GALM: variants seen among roughly 807,000 people sequenced by gnomAD.
GALM encodes the protein aldose 1-epimerase.
GALM carries 43 observed loss-of-function variants against 37.4 expected under a neutral mutation model. That is an observed-to-expected ratio of 1.15 (90% CI 0.90 to 1.48). The LOEUF is 1.48. GALM is among the 40% of genes most tolerant of loss of function. The pLI is 0.00. For missense variants in GALM, 456 were observed against 419.1 expected, an observed-to-expected ratio of 1.09 and a Z score of -0.77; for synonymous variants, 199 against 170.6, an observed-to-expected ratio of 1.17 and a Z score of -1.30.
At chr2:38,696,110 A>G (rs1419972302) in intron 4 of GALM, among the ~76,000 whole-genome samples, 1 of 151,518 alleles carries the variant, frequency 6.6e-6, no homozygotes, top group Non-Finnish European at 1.5e-5. Flanking sequence ...ACAGTAAAAA[A>G]AGTGTAGAGA....
chr2:38,732,949 G>T (rs185990843), intron 6 of GALM, among the ~76,000 whole-genome samples: 3 of 149,798 alleles, frequency 2.0e-5, no homozygotes, highest in Non-Finnish European at 4.4e-5. Flanking sequence ...GGCCAGGTGC[G>T]GTGGCTCACA....
chr2:38,704,519 T>A (rs556517075), intron 4 of GALM, among the ~76,000 whole-genome samples: 1 of 151,868 alleles, frequency 6.6e-6, no homozygotes, highest in South Asian at 2.1e-4. Flanking sequence ...AAAAATAGAA[T>A]CAAAAAATTA....
intron 4 of GALM, among the ~76,000 whole-genome samples, chr2:38,696,332 T>C (rs1199883163): frequency 6.6e-6 from 1 of 152,026 alleles, no homozygotes; most frequent in Non-Finnish European, 1.5e-5. Flanking sequence ...TTGGTCAGGC[T>C]GGTCTTGAAC....
chr2:38,674,780 T>C (rs73930823), intron 1 of GALM, among the ~76,000 whole-genome samples: 11,852 of 152,274 alleles, frequency 0.078, 752 homozygotes, highest in East Asian at 0.32. Flanking sequence ...AGCAGTGTTA[T>C]ACAGTCCCCC....
At chr2:38,666,539 T>G (rs1192828362) in intron 1 of GALM, among the ~76,000 whole-genome samples, 188 bp downstream of exon 1, 1 of 152,214 alleles carries the variant, frequency 6.6e-6, no homozygotes, top group Non-Finnish European at 1.5e-5. Flanking sequence ...AAAACTGTAA[T>G]AAATAAACTA....
chr2:38,675,255 G>T (rs2148426040), intron 1 of GALM, among the ~76,000 whole-genome samples: 1 of 152,288 alleles, frequency 6.6e-6, no homozygotes, highest in Non-Finnish European at 1.5e-5. Flanking sequence ...ATGGAAGAGT[G>T]TGTGCACATA....
At chr2:38,679,995 A>G in intron 2 of GALM, 2 of 451,086 alleles carry the variant, frequency 4.4e-6, no homozygotes, top group Non-Finnish European at 8.9e-6. Context: ...TCCTATTTCC[A>G]AAAGCAAAAT....
At chr2:38,704,012 T>C (rs1459323372) in intron 4 of GALM, among the ~76,000 whole-genome samples, 2 of 150,314 alleles carry the variant, frequency 1.3e-5, no homozygotes, top group Non-Finnish European at 3.0e-5. Flanking sequence ...AGAAACGCTG[T>C]CTCAAAAAAT....
intron 1 of GALM, chr2:38,668,366 T>A (rs543639252): frequency 6.6e-6 from 1 of 152,466 alleles, no homozygotes; most frequent in South Asian, 2.1e-4. Context: ...TGCTTTTCTC[T>A]TGTTACCCTG....
chr2:38,726,455 T>C (rs534682234), intron 4 of GALM, among the ~76,000 whole-genome samples: 57 of 151,640 alleles, frequency 3.8e-4, no homozygotes, highest in Admixed American at 7.9e-4. Context: ...CTCGATCTCC[T>C]GACCTCGTGA....
At chr2:38,703,491 C>T (rs1665973174) in intron 4 of GALM, among the ~76,000 whole-genome samples, 1 of 152,008 alleles carries the variant, frequency 6.6e-6, no homozygotes, top group Admixed American at 6.6e-5. Context: ...CATCCACTAG[C>T]TATGCTATGA....
intron 3 of GALM, among the ~76,000 whole-genome samples, chr2:38,685,819 G>C (rs924220030): frequency 1.3e-5 from 2 of 152,058 alleles, no homozygotes; most frequent in Non-Finnish European, 2.9e-5. Context: ...CCAAGTTCCA[G>C]GGATTCTCCC....
chr2:38,713,893 AG>A (rs1017995808), intron 4 of GALM, among the ~76,000 whole-genome samples: 6 of 121,784 alleles, frequency 4.9e-5, no homozygotes, highest in Admixed American at 4.7e-4. Context: ...CAACAGAGCA[AG>A]ACCCTGCTTC....
chr2:38,674,788 C>T (rs1034882377), intron 1 of GALM, among the ~76,000 whole-genome samples: 1 of 152,164 alleles, frequency 6.6e-6, no homozygotes. Context: ...TATACAGTCC[C>T]CCTTCAACCA....
chr2:38,708,779 A>G (rs1202610893), intron 4 of GALM, among the ~76,000 whole-genome samples: 1 of 151,744 alleles, frequency 6.6e-6, no homozygotes, highest in Non-Finnish European at 1.5e-5. Context: ...TGTGACAAAG[A>G]GAAGGCTCCT....
At chr2:38,702,850 A>G (rs1391462396) in intron 4 of GALM, among the ~76,000 whole-genome samples, 1 of 148,842 alleles carries the variant, frequency 6.7e-6, no homozygotes, top group East Asian at 1.9e-4. Context: ...GCCCCCAGCC[A>G]GTCTCTCCAC....
At chr2:38,682,904 A>G (rs1435365263) in intron 3 of GALM, among the ~76,000 whole-genome samples, 1 of 152,086 alleles carries the variant, frequency 6.6e-6, no homozygotes, top group African/African-American at 2.4e-5. Context: ...CTTTAAAAAA[A>G]AAAAAAAAAT....
chr2:38,707,977 C>G (rs1210367969), intron 4 of GALM, among the ~76,000 whole-genome samples: 1 of 152,004 alleles, frequency 6.6e-6, no homozygotes, highest in African/African-American at 2.4e-5. Flanking sequence ...CGTGGTAGCA[C>G]ACACCTGTAA....
At position 38,719,867 on chromosome 2, in the gene GALM, A is replaced by G. The variant is rs75370861; in HGVS notation, c.635-9689A>G. On this transcript the variant is annotated intron_variant, in intron 4 of 6. Coordinates refer to ENST00000272252, the MANE Select transcript of GALM (RefSeq NM_138801.3). ...GTTTGATGCTGCTCCCTGCTCCCCT[A>G]GAGCCTTAGGAATTTCACTTTCCTT... Among the ~76,000 whole-genome samples, 562 of 150,618 alleles carry G rather than the reference A, an allele frequency of 3.7e-3. 10 individuals carry two copies. The highest frequency in any genetic ancestry group is 0.013 in the African/African-American group (538 of 41,070).
Sources: allele counts gnomAD v4.1 joint callset (sites outside exome capture counted in the v4.1 genomes callset), GRCh38; gene constraint gnomAD v4.1.1; transcripts MANE v1.5; gene names NCBI Gene and HGNC (gene_info 2026-07-23, HGNC 2026-07-21).